Variants in PRELID2 observed in about 807,000 individuals in gnomAD.
PRELID2 encodes PRELI domain containing 2, also known as PRELI domain-containing protein 2.
PRELID2 carries 25 observed loss-of-function variants against 28.4 expected under a neutral mutation model. That is an observed-to-expected ratio of 0.88 (90% CI 0.64 to 1.23). The LOEUF (loss-of-function observed/expected upper bound fraction) is 1.23. PRELID2 is among the 50% of genes most tolerant of loss of function. PRELID2 has a pLI of 0.00. For synonymous variants in PRELID2, 76 were observed against 71.6 expected (o/e 1.06, Z -0.31); for missense variants, 201 against 214.4 (o/e 0.94, Z 0.39).
rs144403930 is a variant in PRELID2 at position 145,641,977 on chromosome 5, G to A, written n.70+122954C>T. Among the ~76,000 whole-genome samples, 81 of 152,240 alleles carry A rather than the reference G, an allele frequency of 5.3e-4. No homozygotes were observed. In the East Asian group the frequency reaches 0.013, roughly 25 times the overall value. Reference sequence around the variant, plus strand: ...GTGAATAGTGCCGCAATATACATACGTGTGCATGTATCTTTATAGTAGAAT... The same window carrying A: ...GTGAATAGTGCCGCAATATACATACATGTGCATGTATCTTTATAGTAGAAT... On this transcript the variant is annotated intron_variant and non_coding_transcript_variant, in intron 1 of 2. Transcript: ENST00000510259.
At chr5:145,629,646 T>G (rs1478192076) in intron 1 of PRELID2, among the ~76,000 whole-genome samples, 1 of 152,164 alleles carries the variant, frequency 6.6e-6, no homozygotes, top group Non-Finnish European at 1.5e-5. Context: ...CTAAACTTGA[T>G]CCTCATAAAA....
chr5:145,654,202 G>A (rs1754350390), intron 1 of PRELID2, among the ~76,000 whole-genome samples: 1 of 152,146 alleles, frequency 6.6e-6, no homozygotes, highest in African/African-American at 2.4e-5. Context: ...AAACCAGGAA[G>A]AACTCGAATC....
chr5:145,633,755 G>A (rs73313727), intron 1 of PRELID2, among the ~76,000 whole-genome samples: 5,353 of 152,242 alleles, frequency 0.035, 288 homozygotes, highest in African/African-American at 0.12. Context: ...CTGGCTTTAC[G>A]TCTCATTAGA....
intron 1 of PRELID2, among the ~76,000 whole-genome samples, chr5:145,576,353 T>G (rs1363842316): frequency 6.6e-6 from 1 of 152,166 alleles, no homozygotes; most frequent in Non-Finnish European, 1.5e-5. Flanking sequence ...ACAGTTTATA[T>G]TAATGGACTC....
chr5:145,334,771 GT>G, the PRELID2 span, among the ~76,000 whole-genome samples: 34,623 of 134,842 alleles, frequency 0.26, 4,326 homozygotes, highest in African/African-American at 0.34. Context: ...TTGTTTGTCA[GT>G]TTTTTTTTTT....
the PRELID2 span, among the ~76,000 whole-genome samples, chr5:145,439,919 C>T: frequency 6.6e-6 from 1 of 152,052 alleles, no homozygotes; most frequent in Non-Finnish European, 1.5e-5. Flanking sequence ...CCAAAATCTC[C>T]CTGTTGCCTG....
chr5:145,484,826 T>C (rs1198794944), intron 1 of PRELID2, among the ~76,000 whole-genome samples: 2 of 152,336 alleles, frequency 1.3e-5, no homozygotes, highest in Non-Finnish European at 2.9e-5. Flanking sequence ...GTATTTCCCA[T>C]TAGAGAAATC....
At chr5:145,398,571 T>G in the PRELID2 span, among the ~76,000 whole-genome samples, 1 of 152,098 alleles carries the variant, frequency 6.6e-6, no homozygotes, top group Non-Finnish European at 1.5e-5. Flanking sequence ...ATTTTGGAGT[T>G]GTGATCCACA....
At chr5:145,484,636 C>T (rs1219504558) in intron 1 of PRELID2, among the ~76,000 whole-genome samples, 1 of 152,182 alleles carries the variant, frequency 6.6e-6, no homozygotes, top group East Asian at 1.9e-4. Context: ...GACACTTCTA[C>T]CTTTCTTCAC....
chr5:145,233,885 G>A, the PRELID2 span, among the ~76,000 whole-genome samples: 7 of 152,186 alleles, frequency 4.6e-5, no homozygotes, highest in Non-Finnish European at 8.8e-5. Flanking sequence ...AAGCAAGTGT[G>A]TTTTTAAAAC....
At chr5:145,558,639 C>T (rs182309183) in intron 1 of PRELID2, among the ~76,000 whole-genome samples, 1 of 152,128 alleles carries the variant, frequency 6.6e-6, no homozygotes, top group Non-Finnish European at 1.5e-5. Flanking sequence ...TAGAGCATAC[C>T]CATAAGAGCT....
intron 1 of PRELID2, among the ~76,000 whole-genome samples, chr5:145,828,398 A>G (rs1279617004): frequency 1.3e-5 from 2 of 152,216 alleles, no homozygotes; most frequent in Non-Finnish European, 2.9e-5. Flanking sequence ...GGCATTAAAT[A>G]CATTGCTGGC....
the PRELID2 span, among the ~76,000 whole-genome samples, chr5:145,298,954 A>G: frequency 6.6e-6 from 1 of 152,156 alleles, no homozygotes; most frequent in African/African-American, 2.4e-5. Flanking sequence ...AAAACAGAAC[A>G]TTATCAAAAA....
chr5:145,833,879 ACAACC>A (rs1159963123), intron 1 of PRELID2, among the ~76,000 whole-genome samples: 4 of 152,382 alleles, frequency 2.6e-5, no homozygotes, highest in African/African-American at 9.6e-5. Context: ...ATCATCTGGT[ACAACC>A]CCTTCATCTT....
chr5:145,599,616 C>T (rs893419136), intron 1 of PRELID2, among the ~76,000 whole-genome samples: 4 of 152,124 alleles, frequency 2.6e-5, no homozygotes, highest in Non-Finnish European at 4.4e-5. Flanking sequence ...AGATGATAAA[C>T]TCCATGAATG....
At position 145,528,761 on chromosome 5, in the gene PRELID2, T is replaced by A. The variant is rs187038301; in HGVS notation, n.71-55446A>T. ...GAGAGAGAGAGAGAGAGTAAGTCACTCTCACTCACACACAAGAGAGACCAA... is the reference window on the plus strand; with the variant it reads ...GAGAGAGAGAGAGAGAGTAAGTCACACTCACTCACACACAAGAGAGACCAA... On this transcript the variant is annotated intron_variant and non_coding_transcript_variant, in intron 1 of 2. Transcript: ENST00000510259. Among the ~76,000 whole-genome samples, 37 of 148,576 alleles carry A rather than the reference T, an allele frequency of 2.5e-4. No homozygotes were observed. The East Asian group carries it at 6.9e-3, about 28-fold the overall frequency.
intron 1 of PRELID2, among the ~76,000 whole-genome samples, chr5:145,709,006 G>A (rs914491279): frequency 5.3e-5 from 8 of 152,232 alleles, no homozygotes; most frequent in African/African-American, 1.9e-4. Flanking sequence ...GCTGTGGCAA[G>A]CACCTGGGTG....
chr5:145,346,509 G>A, the PRELID2 span, among the ~76,000 whole-genome samples: 1 of 152,116 alleles, frequency 6.6e-6, no homozygotes, highest in African/African-American at 2.4e-5. Context: ...AATGGGAAAG[G>A]AATTATTGAC....
chr5:145,325,176 A>G, the PRELID2 span, among the ~76,000 whole-genome samples: 3,253 of 152,300 alleles, frequency 0.021, 71 homozygotes, highest in South Asian at 0.087. Flanking sequence ...TAAAATCAAA[A>G]CCATCTTTTT....
Sources: gnomAD v4.1 joint callset for allele counts (sites outside exome capture counted in the v4.1 genomes callset) on GRCh38, gnomAD v4.1.1 for gene constraint, MANE v1.5 for transcripts, NCBI Gene and HGNC (gene_info 2026-07-23, HGNC 2026-07-21) for gene names.